Variants in HSPA12A observed in about 807,000 individuals in gnomAD.
The protein encoded by HSPA12A is heat shock 70 kDa protein 12A.
A neutral mutation model predicts 69.2 loss-of-function variants in HSPA12A; 28 were observed. That is an observed-to-expected ratio of 0.40 (90% CI 0.30 to 0.55). HSPA12A has a LOEUF of 0.55. Among genes scored for constraint, HSPA12A ranks in the 20% least tolerant of loss-of-function variants. HSPA12A has a pLI of 0.38. For missense variants in HSPA12A, 686 were observed against 900.7 expected, an observed-to-expected ratio of 0.76 and a Z score of 3.05; for synonymous variants, 345 against 370.5, an observed-to-expected ratio of 0.93 and a Z score of 0.79.
intron 2 of HSPA12A, among the ~76,000 whole-genome samples, chr10:116,789,025 C>A (rs1224315015): frequency 6.6e-6 from 1 of 152,014 alleles, no homozygotes; most frequent in East Asian, 1.9e-4. Context: ...GCCACAACGC[C>A]CAGCTGATTT....
chr10:116,706,676 G>A (rs1370074610), intron 2 of HSPA12A, among the ~76,000 whole-genome samples: 2 of 152,162 alleles, frequency 1.3e-5, no homozygotes, highest in African/African-American at 2.4e-5. Flanking sequence ...ACAGGGCAGG[G>A]TGGGAGCAAC....
At chr10:116,832,979 A>G (rs747885442) in intron 2 of HSPA12A, 1 of 152,164 alleles carries the variant, frequency 6.6e-6, no homozygotes, top group Non-Finnish European at 1.5e-5. Flanking sequence ...TCATGAGACA[A>G]GGAAAGGAAG....
chr10:116,789,527 A>C (rs1303269858), intron 2 of HSPA12A, among the ~76,000 whole-genome samples: 2 of 152,152 alleles, frequency 1.3e-5, no homozygotes, highest in Non-Finnish European at 2.9e-5. Context: ...TGAATGTGCT[A>C]TGACTTAGCT....
chr10:116,785,634 G>T (rs77690140), intron 2 of HSPA12A, among the ~76,000 whole-genome samples: 7,960 of 152,076 alleles, frequency 0.052, 450 homozygotes, highest in East Asian at 0.24. Flanking sequence ...GGGCTCTGCT[G>T]CCCACCGCAT....
intron 1 of HSPA12A, among the ~76,000 whole-genome samples, chr10:116,737,801 A>G (rs782072257): frequency 1.1e-4 from 17 of 152,206 alleles, no homozygotes; most frequent in Non-Finnish European, 1.9e-4. Context: ...CAGAGCTCAG[A>G]GCAGCATCTG....
At chr10:116,761,566 A>G (rs1467652020) in intron 2 of HSPA12A, among the ~76,000 whole-genome samples, 1 of 12,126 alleles carries the variant, frequency 8.2e-5, no homozygotes, top group Non-Finnish European at 2.6e-3. Flanking sequence ...TCATCTAAAA[A>G]AAGTAAAAAA....
At chr10:116,738,227 C>A (rs1238939956) in intron 1 of HSPA12A, among the ~76,000 whole-genome samples, 1 of 152,196 alleles carries the variant, frequency 6.6e-6, no homozygotes, top group Admixed American at 6.5e-5. Context: ...TCCAGCTTGG[C>A]CCACTCCTGA....
At position 116,698,677 on chromosome 10, in the gene HSPA12A, G is replaced by C; in HGVS notation, c.504C>G (p.Ile168Met). The C allele has an allele frequency of 6.2e-7, 1 of 1,614,084 alleles. No homozygotes were observed. Among genetic ancestry groups the C allele is most frequent in the Non-Finnish European group, 8.5e-7 (1 of 1,179,938 alleles). Reference sequence around the variant, plus strand: ...TAAAGTACTGCAGGGCATAAGCAAAGATTTCAAGGGCTTTGACTTTCTTGC... The same window carrying C: ...TAAAGTACTGCAGGGCATAAGCAAACATTTCAAGGGCTTTGACTTTCTTGC... ...ANGKKVKALEIFAYALQYFKE... is the reference protein window; with the variant it reads ...ANGKKVKALEMFAYALQYFKE... Residue 168 changes from isoleucine to methionine, a missense_variant, in exon 5 of 12, where the codon ATC (isoleucine) becomes ATG (methionine). Coordinates refer to ENST00000369209, the MANE Select transcript of HSPA12A (RefSeq NM_025015.3).
chr10:116,798,674 G>A lies in HSPA12A; in HGVS notation c.91+36261C>T, dbSNP rs1844889411. Among the ~76,000 whole-genome samples, 7 of 152,140 alleles carry A rather than the reference G, an allele frequency of 4.6e-5. No homozygotes were observed. The South Asian group carries it at 1.5e-3, about 32-fold the overall frequency. On this transcript the variant is annotated intron_variant, in intron 2 of 12. Coordinates refer to the HSPA12A transcript ENST00000635765. Reference sequence around the variant, plus strand: ...GCGTTTGACAGCCATTGGCCTAGATGGTCAGAGGGTCTCATGACTACATTC... The same window carrying A: ...GCGTTTGACAGCCATTGGCCTAGATAGTCAGAGGGTCTCATGACTACATTC...
At chr10:116,696,898 G>C (rs1270846647) in intron 5 of HSPA12A, among the ~76,000 whole-genome samples, 4 of 152,002 alleles carry the variant, frequency 2.6e-5, no homozygotes, top group Non-Finnish European at 5.9e-5. Context: ...GTTGCTGCCT[G>C]TGAACCACAC....
chr10:116,679,874 G>A, intron 9 of HSPA12A, 113 bp from the exon 10 acceptor site: 1 of 1,051,600 alleles, frequency 9.5e-7, no homozygotes, highest in Non-Finnish European at 1.4e-6. Flanking sequence ...CAATGGGACG[G>A]CAGCTATAAG....
chr10:116,757,468 C>T (rs1843875897), intron 2 of HSPA12A, among the ~76,000 whole-genome samples: 1 of 152,190 alleles, frequency 6.6e-6, no homozygotes, highest in South Asian at 2.1e-4. Flanking sequence ...GACTTCCCTC[C>T]AAATGCCCTT....
At chr10:116,772,881 T>C (rs979967528) in intron 2 of HSPA12A, among the ~76,000 whole-genome samples, 4 of 151,920 alleles carry the variant, frequency 2.6e-5, no homozygotes, top group Non-Finnish European at 4.4e-5. Context: ...TTATTATTAT[T>C]TGTAAAGACA....
intron 1 of HSPA12A, among the ~76,000 whole-genome samples, chr10:116,733,681 G>A (rs931324707): frequency 6.6e-6 from 1 of 152,176 alleles, no homozygotes; most frequent in Non-Finnish European, 1.5e-5. Context: ...CATCTGGGAA[G>A]CAAAGCAGTC....
At chr10:116,764,152 A>G (rs1392082597) in intron 2 of HSPA12A, among the ~76,000 whole-genome samples, 2 of 152,178 alleles carry the variant, frequency 1.3e-5, no homozygotes, top group Non-Finnish European at 2.9e-5. Flanking sequence ...CTAACTCACT[A>G]TGGAAAAAGT....
At chr10:116,803,241 T>G (rs1035564953) in intron 2 of HSPA12A, among the ~76,000 whole-genome samples, 2 of 152,176 alleles carry the variant, frequency 1.3e-5, no homozygotes, top group African/African-American at 4.8e-5. Flanking sequence ...CGGAGAGAAT[T>G]CGGGAAGATG....
At chr10:116,712,261 A>G (rs185109097) in intron 1 of HSPA12A, among the ~76,000 whole-genome samples, 5 of 152,304 alleles carry the variant, frequency 3.3e-5, no homozygotes, top group Admixed American at 3.3e-4. Flanking sequence ...AGATTAACTC[A>G]CAATCCTGGA....
intron 3 of HSPA12A, among the ~76,000 whole-genome samples, chr10:116,702,640 C>G (rs1304456242): frequency 6.6e-6 from 1 of 152,184 alleles, no homozygotes; most frequent in Non-Finnish European, 1.5e-5. Context: ...CCACACACTG[C>G]CCTTCACAAA....
intron 1 of HSPA12A, among the ~76,000 whole-genome samples, chr10:116,843,721 T>A (rs1845838024): frequency 6.6e-6 from 1 of 152,216 alleles, no homozygotes; most frequent in Admixed American, 6.5e-5. Flanking sequence ...GAGCAGCGGT[T>A]TGCAACCTTG....
Sources: gnomAD v4.1 joint callset for allele counts (sites outside exome capture counted in the v4.1 genomes callset) on GRCh38, gnomAD v4.1.1 for gene constraint, MANE v1.5 for transcripts, NCBI Gene and HGNC (gene_info 2026-07-23, HGNC 2026-07-21) for gene names.